FYB1: variants seen among roughly 807,000 people sequenced by gnomAD.
FYB1 encodes FYN binding protein 1.
Under a neutral mutation model 94.1 loss-of-function variants are expected in FYB1, and 41 were observed. The ratio of observed to expected loss-of-function variants is 0.44; its 90% CI spans 0.34 to 0.57. FYB1 has a LOEUF of 0.57. Among genes scored for constraint, FYB1 ranks in the 20% least tolerant of loss-of-function variants. The pLI is 0.02. For synonymous variants in FYB1, 367 were observed against 353.2 expected (o/e 1.04, Z -0.44); for missense variants, 1,050 against 976.8 (o/e 1.07, Z -1.00).
At chr5:39,252,172 A>T (rs1009656025) in intron 1 of FYB1, among the ~76,000 whole-genome samples, 8 of 151,858 alleles carry the variant, frequency 5.3e-5, no homozygotes, top group Admixed American at 2.6e-4. Context: ...AATAAAAAAT[A>T]AAAAAATAAA....
intron 1 of FYB1, among the ~76,000 whole-genome samples, chr5:39,251,186 G>A (rs1330435669): frequency 1.3e-5 from 2 of 152,104 alleles, no homozygotes; most frequent in African/African-American, 4.8e-5. Flanking sequence ...CCTGTGATCT[G>A]CAACAGTGTT....
intron 1 of FYB1, among the ~76,000 whole-genome samples, chr5:39,214,487 C>T (rs1412146192): frequency 6.6e-6 from 1 of 152,118 alleles, no homozygotes; most frequent in Non-Finnish European, 1.5e-5. Flanking sequence ...TGGAAGCAAA[C>T]CAAGTGTCTG....
intron 1 of FYB1, among the ~76,000 whole-genome samples, chr5:39,209,477 C>T (rs1049118093): frequency 2.6e-5 from 4 of 152,036 alleles, no homozygotes; most frequent in Non-Finnish European, 5.9e-5. Context: ...AGGCATGCAC[C>T]ACCACGCCTG....
At chr5:39,173,471 A>G (rs1018438535) in intron 2 of FYB1, among the ~76,000 whole-genome samples, 8 of 152,036 alleles carry the variant, frequency 5.3e-5, no homozygotes, top group Admixed American at 6.6e-5. Context: ...TTACTGCTGC[A>G]ATTGCTTTTG....
chr5:39,267,651 T>A (rs965413060), intron 1 of FYB1, among the ~76,000 whole-genome samples: 5 of 152,226 alleles, frequency 3.3e-5, no homozygotes, highest in African/African-American at 1.2e-4. Flanking sequence ...AACTTAATTT[T>A]GAAGTATAAC....
intron 1 of FYB1, among the ~76,000 whole-genome samples, chr5:39,235,360 G>A (rs1433049169): frequency 2.6e-5 from 4 of 151,904 alleles, no homozygotes; most frequent in Non-Finnish European, 5.9e-5. Context: ...TACCCTTTGG[G>A]CTTAGAAAGG....
In FYB1 at chr5:39,124,233, A is replaced by G. The variant is rs775410193; in HGVS notation, c.2071+20T>C. The stretch of plus-strand genomic sequence containing the variant: ...CAAGAAATGAAGATACAGAACATAC[A>G]ATCAGTTTTTATTACTTACCCAATT... On this transcript the variant is annotated intron_variant, in intron 13 of 18. Transcript: ENST00000512982. 3.3e-5 allele frequency: 50 copies of G among 1,527,186 alleles called. No individual in the cohort carries two copies. Among genetic ancestry groups the G allele is most frequent in the Non-Finnish European group, 4.1e-5 (46 of 1,124,602 alleles). The allele number at this position is 1,527,186 out of a possible 1,614,324, so 94.6% of individuals were successfully genotyped here. A position where few individuals can be genotyped will look rare whatever the true frequency, so the allele number is the denominator to read the frequency against.
chr5:39,184,071 T>C (rs943289542), intron 2 of FYB1, among the ~76,000 whole-genome samples: 23 of 152,308 alleles, frequency 1.5e-4, no homozygotes, highest in African/African-American at 5.1e-4. Flanking sequence ...TATTTAGTAA[T>C]TTAGAAGAAA....
At chr5:39,261,324 G>T (rs181800) in intron 1 of FYB1, among the ~76,000 whole-genome samples, 1 of 132,116 alleles carries the variant, frequency 7.6e-6, no homozygotes, top group Non-Finnish European at 1.6e-5. Flanking sequence ...AAAAAAGAAC[G>T]TGTGTAGATT....
chr5:39,148,620 A>G (rs1389925202), intron 3 of FYB1, among the ~76,000 whole-genome samples: 1 of 151,872 alleles, frequency 6.6e-6, no homozygotes, highest in Non-Finnish European at 1.5e-5. Flanking sequence ...TGATACGGCA[A>G]GTCTCAAGTT....
intron 1 of FYB1, among the ~76,000 whole-genome samples, chr5:39,229,872 G>C (rs1280179838): frequency 6.6e-6 from 1 of 152,090 alleles, no homozygotes; most frequent in Non-Finnish European, 1.5e-5. Flanking sequence ...ATAACCTGAG[G>C]GTAATTTTAC....
chr5:39,270,212 G>A (rs1478075693), intron 1 of FYB1, among the ~76,000 whole-genome samples: 1 of 152,160 alleles, frequency 6.6e-6, no homozygotes, highest in Non-Finnish European at 1.5e-5. Context: ...TTCGCCACTG[G>A]AGTCCTTTCC....
intron 1 of FYB1, among the ~76,000 whole-genome samples, chr5:39,208,137 T>C (rs1163621025): frequency 6.6e-6 from 1 of 152,220 alleles, no homozygotes; most frequent in Non-Finnish European, 1.5e-5. Flanking sequence ...GTCTCATCTT[T>C]AGAACGTTCT....
chr5:39,257,944 G>A (rs183515851), intron 1 of FYB1, among the ~76,000 whole-genome samples: 8 of 152,310 alleles, frequency 5.3e-5, no homozygotes, highest in African/African-American at 7.2e-5. Flanking sequence ...GATCCAAAGC[G>A]TCTTTAGCTG....
chr5:39,142,576 C>T (rs1358159286), intron 3 of FYB1, among the ~76,000 whole-genome samples: 1 of 152,136 alleles, frequency 6.6e-6, no homozygotes, highest in Non-Finnish European at 1.5e-5. Context: ...TCTTTGTTTT[C>T]TCCCTCAGCC....
At chr5:39,203,175 A>G (rs1472416239) in intron 1 of FYB1, 188 bp from the exon 2 acceptor site, 2 of 573,452 alleles carry the variant, frequency 3.5e-6, no homozygotes, top group Non-Finnish European at 6.1e-6. Flanking sequence ...GAGGAAGGCT[A>G]TGGTTGTGCA....
intron 1 of FYB1, among the ~76,000 whole-genome samples, chr5:39,258,194 AC>A (rs1752047534): frequency 6.6e-6 from 1 of 152,144 alleles, no homozygotes; most frequent in African/African-American, 2.4e-5. Flanking sequence ...CCTGGAAGTA[AC>A]TTGATTAATT....
intron 1 of FYB1, among the ~76,000 whole-genome samples, chr5:39,256,891 G>A (rs1207123952): frequency 2.6e-5 from 4 of 152,182 alleles, no homozygotes; most frequent in Non-Finnish European, 5.9e-5. Flanking sequence ...TTATTTCAAA[G>A]TTGCAATGAG....
At chr5:39,135,649 G>A (rs1007305569) in intron 7 of FYB1, among the ~76,000 whole-genome samples, 16 of 152,070 alleles carry the variant, frequency 1.1e-4, no homozygotes, top group Non-Finnish European at 1.0e-4. Flanking sequence ...TGAATCTTTT[G>A]ATATGCAAAT....
Sources: allele counts gnomAD v4.1 joint callset (sites outside exome capture counted in the v4.1 genomes callset), GRCh38; gene constraint gnomAD v4.1.1; transcripts MANE v1.5; gene names NCBI Gene and HGNC (gene_info 2026-07-23, HGNC 2026-07-21).